FMNL2: variants seen among roughly 807,000 people sequenced by gnomAD.
FMNL2 encodes formin like 2, also known as formin-like protein 2.
FMNL2 carries 51 observed loss-of-function variants against 130.2 expected under a neutral mutation model. That is an observed-to-expected ratio of 0.39 (90% CI 0.31 to 0.49). The LOEUF (loss-of-function observed/expected upper bound fraction) is 0.49. Ranked by LOEUF, FMNL2 falls within the 20% of genes least tolerant of loss-of-function variation. FMNL2 has a pLI of 0.85. For synonymous variants in FMNL2, 465 were observed against 467.1 expected (o/e 1.00, Z 0.06); for missense variants, 977 against 1,316.2 (o/e 0.74, Z 3.99).
chr2:152,533,567 T>G (rs1185566329), intron 2 of FMNL2, among the ~76,000 whole-genome samples: 6 of 107,548 alleles, frequency 5.6e-5, no homozygotes, highest in Non-Finnish European at 1.2e-4. Context: ...TTTTTTTTTT[T>G]GCTAAATTAT....
chr2:152,634,494 A>AT (rs1209441700), intron 21 of FMNL2, among the ~76,000 whole-genome samples: 2 of 152,186 alleles, frequency 1.3e-5, no homozygotes, highest in African/African-American at 4.8e-5. Flanking sequence ...AGATCAACAC[A>AT]TTTTTGCCAA....
intron 1 of FMNL2, among the ~76,000 whole-genome samples, chr2:152,428,975 T>C (rs1687338344): frequency 6.6e-6 from 1 of 152,000 alleles, no homozygotes; most frequent in South Asian, 2.1e-4. Context: ...TGAGAACACA[T>C]GGGAGCATGG....
chr2:152,375,040 T>C (rs541218508), intron 1 of FMNL2, among the ~76,000 whole-genome samples: 60 of 152,278 alleles, frequency 3.9e-4, no homozygotes, highest in Non-Finnish European at 1.0e-4. Context: ...TGAGATGTTG[T>C]TACTACAGTT....
intron 6 of FMNL2, among the ~76,000 whole-genome samples, chr2:152,569,632 G>T (rs1355498188): frequency 2.0e-5 from 3 of 147,826 alleles, no homozygotes; most frequent in East Asian, 2.0e-4. Flanking sequence ...AATGTGCGGA[G>T]ATCATGCCAC....
chr2:152,338,234 C>T (rs1396476414), intron 1 of FMNL2, among the ~76,000 whole-genome samples: 1 of 152,118 alleles, frequency 6.6e-6, no homozygotes, highest in Non-Finnish European at 1.5e-5. Context: ...TAATAAAGAT[C>T]ATACGGGTGT....
intron 1 of FMNL2, among the ~76,000 whole-genome samples, chr2:152,490,930 G>A (rs1222060135): frequency 1.3e-5 from 2 of 152,058 alleles, no homozygotes; most frequent in Non-Finnish European, 2.9e-5. Context: ...AATGAGTTAC[G>A]TTATTTGTAT....
intron 1 of FMNL2, among the ~76,000 whole-genome samples, chr2:152,465,571 T>G (rs1054957017): frequency 3.3e-5 from 5 of 152,262 alleles, no homozygotes; most frequent in African/African-American, 1.2e-4. Context: ...CTTCTGTTTC[T>G]TTAAGGATAC....
chr2:152,616,330 T>TC (rs1698947003), intron 12 of FMNL2, among the ~76,000 whole-genome samples: 1 of 143,352 alleles, frequency 7.0e-6, no homozygotes, highest in Non-Finnish European at 1.5e-5. Flanking sequence ...TTTGTGGGTT[T>TC]TTTTTTTTTT....
chr2:152,618,843 C>T lies in FMNL2; in HGVS notation c.1315-3C>T. ...AAACTCTTGACCTTGGACTTTATTG[C>T]AGGAAATCTACAAAGATGCAAATAC... On this transcript the variant is annotated splice_region_variant and splice_polypyrimidine_tract_variant and intron_variant, in intron 13 of 25. Transcript: ENST00000288670. 6.3e-7 allele frequency: 1 copy of T among 1,580,624 alleles called. No homozygotes were observed. The highest frequency in any genetic ancestry group is 8.6e-7 in the Non-Finnish European group (1 of 1,164,592).
intron 9 of FMNL2, among the ~76,000 whole-genome samples, chr2:152,593,609 T>C (rs1697552825): frequency 6.6e-6 from 1 of 152,124 alleles, no homozygotes; most frequent in Non-Finnish European, 1.5e-5. Flanking sequence ...AATATGAGAA[T>C]GGACACGAGG....
intron 6 of FMNL2, among the ~76,000 whole-genome samples, chr2:152,565,543 T>G (rs1333791918): frequency 6.6e-6 from 1 of 152,224 alleles, no homozygotes; most frequent in African/African-American, 2.4e-5. Context: ...AAGGATGATC[T>G]TTTCAAAATA....
intron 9 of FMNL2, among the ~76,000 whole-genome samples, chr2:152,602,410 G>A (rs1209552852): frequency 6.6e-6 from 1 of 152,154 alleles, no homozygotes; most frequent in East Asian, 1.9e-4. Context: ...ATTGCTGGTA[G>A]CCCCAGCTGC....
intron 1 of FMNL2, among the ~76,000 whole-genome samples, chr2:152,437,937 G>GA (rs1687850402): frequency 6.6e-6 from 1 of 152,130 alleles, no homozygotes; most frequent in Admixed American, 6.5e-5. Context: ...GTGGAGTGAG[G>GA]AAAAAACAGA....
chr2:152,483,616 G>C (rs559072258), intron 1 of FMNL2, among the ~76,000 whole-genome samples: 1 of 152,280 alleles, frequency 6.6e-6, no homozygotes, highest in Non-Finnish European at 1.5e-5. Context: ...TGTCTCCTTT[G>C]TGCCCTCCTT....
At chr2:152,521,592 G>A (rs975145283) in intron 1 of FMNL2, among the ~76,000 whole-genome samples, 25 of 151,868 alleles carry the variant, frequency 1.6e-4, no homozygotes, top group African/African-American at 6.1e-4. Context: ...TTTGTGTCTG[G>A]TGGGGCTACA....
chr2:152,647,864 C>G lies in FMNL2; in HGVS notation c.3238C>G (p.Gln1080Glu), dbSNP rs780977810. The change falls in exon 26 of 26, where the codon CAG (glutamine) becomes GAG (glutamate). Residue 1080 changes from glutamine to glutamate, a missense_variant. This residue lies in a region of FMNL2 where 168 missense variants were observed against 168.8 expected (regional missense o/e 1.00). Coordinates refer to ENST00000288670, the MANE Select transcript of FMNL2 (RefSeq NM_052905.4). ...RRSVRRRFDDQNLRSVNGAEI... is the reference protein window; with the variant it reads ...RRSVRRRFDDENLRSVNGAEI... ...AAGCGTCAGGCGGCGCTTTGATGAT[C>G]AGAACTTGCGTTCTGTTAATGGTGC... The G allele has an allele frequency of 6.2e-6, 10 of 1,613,868 alleles. No individual in the cohort carries two copies. The highest frequency in any genetic ancestry group is 8.5e-6 in the Non-Finnish European group (10 of 1,179,822).
At chr2:152,608,862 C>T (rs1307406312) in intron 10 of FMNL2, among the ~76,000 whole-genome samples, 1 of 151,740 alleles carries the variant, frequency 6.6e-6, no homozygotes, top group Non-Finnish European at 1.5e-5. Context: ...CCTACTTAAA[C>T]AATTTGGACA....
chr2:152,454,479 G>C (rs1391476455), intron 1 of FMNL2, among the ~76,000 whole-genome samples: 3 of 152,076 alleles, frequency 2.0e-5, no homozygotes, highest in Non-Finnish European at 4.4e-5. Context: ...CTTTTGGGTG[G>C]GTGTAATGTT....
intron 18 of FMNL2, 121 bp from the exon 19 acceptor site, chr2:152,629,535 A>T: frequency 3.6e-6 from 3 of 841,194 alleles, no homozygotes; most frequent in Non-Finnish European, 5.5e-6. Flanking sequence ...GACTCTCACC[A>T]TGAAGCCTGT....
Sources: gnomAD v4.1 joint callset for allele counts (sites outside exome capture counted in the v4.1 genomes callset) on GRCh38, gnomAD v4.1.1 for gene constraint, gnomAD v4.1.1 regional missense constraint, MANE v1.5 for transcripts, NCBI Gene and HGNC (gene_info 2026-07-23, HGNC 2026-07-21) for gene names.